Variants in LRP1B observed in about 807,000 individuals in gnomAD.
LRP1B encodes LDL receptor related protein 1B, also known as low-density lipoprotein receptor-related protein 1B.
Under a neutral mutation model 556.6 loss-of-function variants are expected in LRP1B, and 217 were observed. The ratio of observed to expected loss-of-function variants is 0.39; its 90% CI spans 0.35 to 0.44. The LOEUF (loss-of-function observed/expected upper bound fraction) is 0.44, where lower values mean the gene tolerates loss of function less well. LRP1B is among the 20% of genes least tolerant of loss of function. The pLI is 1.00. For synonymous variants in LRP1B, 2,047 were observed against 1,865.8 expected, an observed-to-expected ratio of 1.10 and a Z score of -2.50; for missense variants, 5,053 against 5,620.8, an observed-to-expected ratio of 0.90 and a Z score of 3.23.
chr2:141,591,771 TACTG>T (rs1687350280), intron 2 of LRP1B, among the ~76,000 whole-genome samples: 1 of 152,134 alleles, frequency 6.6e-6, no homozygotes, highest in African/African-American at 2.4e-5. Context: ...CTATAAAAAA[TACTG>T]ACTATGTAGT....
intron 1 of LRP1B, among the ~76,000 whole-genome samples, chr2:141,876,586 A>G (rs1284410834): frequency 3.3e-5 from 5 of 151,692 alleles, no homozygotes; most frequent in Non-Finnish European, 7.4e-5. Flanking sequence ...AGTTCTAGAC[A>G]CTCTTTACTT....
At chr2:140,714,303 T>C (rs1687136956) in intron 37 of LRP1B, among the ~76,000 whole-genome samples, 1 of 152,112 alleles carries the variant, frequency 6.6e-6, no homozygotes, top group African/African-American at 2.4e-5. Flanking sequence ...GTTAATTGAA[T>C]AAATTGATAA....
At chr2:140,606,599 T>C (rs573587407) in intron 41 of LRP1B, among the ~76,000 whole-genome samples, 19 of 152,192 alleles carry the variant, frequency 1.2e-4, no homozygotes, top group Admixed American at 3.3e-4. Context: ...TCACACTTCC[T>C]GATTTCAACC....
chr2:141,334,156 A>T (rs1266071416), intron 3 of LRP1B, among the ~76,000 whole-genome samples: 1 of 152,174 alleles, frequency 6.6e-6, no homozygotes, highest in Non-Finnish European at 1.5e-5. Flanking sequence ...TTACTGAATG[A>T]TATGGTTTGG....
At chr2:141,925,655 G>A (rs1700315642) in intron 1 of LRP1B, among the ~76,000 whole-genome samples, 1 of 152,146 alleles carries the variant, frequency 6.6e-6, no homozygotes, top group Non-Finnish European at 1.5e-5. Context: ...CTGGGGTCAG[G>A]AAGTTCTGAG....
At chr2:141,886,477 C>G (rs1430496891) in intron 1 of LRP1B, among the ~76,000 whole-genome samples, 1 of 152,096 alleles carries the variant, frequency 6.6e-6, no homozygotes, top group Non-Finnish European at 1.5e-5. Context: ...TATATTTCAT[C>G]TTCATAAATA....
intron 59 of LRP1B, among the ~76,000 whole-genome samples, chr2:140,478,579 C>T (rs142195852): frequency 9.9e-4 from 150 of 152,230 alleles, no homozygotes; most frequent in African/African-American, 3.5e-3. Flanking sequence ...GGAACAAGGA[C>T]TCAGGTTTCT....
At chr2:142,036,696 G>T (rs548451033) in intron 1 of LRP1B, among the ~76,000 whole-genome samples, 1 of 151,680 alleles carries the variant, frequency 6.6e-6, no homozygotes, top group South Asian at 2.1e-4. Flanking sequence ...TGGCATAGCT[G>T]CTTTCCTGAG....
At chr2:141,286,066 C>CAAAA (rs200182512) in intron 3 of LRP1B, among the ~76,000 whole-genome samples, 29 of 94,606 alleles carry the variant, frequency 3.1e-4, no homozygotes, top group African/African-American at 5.9e-4. Context: ...GACTCCGTCT[C>CAAAA]AAAAAAAAAA....
At chr2:141,771,264 C>CAA (rs111877837) in intron 2 of LRP1B, among the ~76,000 whole-genome samples, 2 of 151,506 alleles carry the variant, frequency 1.3e-5, no homozygotes, top group African/African-American at 2.4e-5. Flanking sequence ...CTTAATTAGC[C>CAA]AAAAAAAACT....
At chr2:141,276,235 C>T (rs896146484) in intron 3 of LRP1B, among the ~76,000 whole-genome samples, 3 of 152,112 alleles carry the variant, frequency 2.0e-5, no homozygotes, top group South Asian at 4.1e-4. Context: ...TCACTTCCTT[C>T]GCAGCACTTA....
At chr2:140,266,740 C>G (rs1682220352) in intron 86 of LRP1B, among the ~76,000 whole-genome samples, 1 of 151,980 alleles carries the variant, frequency 6.6e-6, no homozygotes, top group South Asian at 2.1e-4. Context: ...GTGAACATGT[C>G]TCTTCACGTA....
chr2:141,397,766 G>A lies in LRP1B; in HGVS notation c.343+82630C>T, dbSNP rs574646010. 9.9e-5 allele frequency among the ~76,000 whole-genome samples: 15 copies of A among 151,138 alleles called. No individual in the cohort carries two copies. The East Asian group carries it at 2.5e-3, about 25-fold the overall frequency. ...GTCCCAGACATTGTGCTGAAGGCTG[G>A]TGGTAAAAATTTATATGTATATATA... is the stretch of plus-strand genomic sequence containing the variant. On this transcript the variant is annotated intron_variant, in intron 3 of 90. Transcript: ENST00000389484.
At chr2:141,610,789 T>C (rs1243131039) in intron 2 of LRP1B, among the ~76,000 whole-genome samples, 1 of 152,188 alleles carries the variant, frequency 6.6e-6, no homozygotes, top group Non-Finnish European at 1.5e-5. Flanking sequence ...AATGCAAAGC[T>C]GATGATTAGG....
intron 2 of LRP1B, among the ~76,000 whole-genome samples, chr2:141,615,676 T>C (rs1688270936): frequency 6.6e-6 from 1 of 152,180 alleles, no homozygotes; most frequent in South Asian, 2.1e-4. Context: ...AAATTAAAAT[T>C]GAACTAGTTA....
At chr2:141,746,223 G>T (rs1402882512) in intron 2 of LRP1B, among the ~76,000 whole-genome samples, 2 of 152,084 alleles carry the variant, frequency 1.3e-5, no homozygotes, top group Non-Finnish European at 2.9e-5. Flanking sequence ...CATGTCTAGG[G>T]GTTGTAGTCT....
In LRP1B at chr2:140,988,812, A is replaced by G. The variant is rs1278907297; in HGVS notation, c.2770+720T>C. Among the ~76,000 whole-genome samples the G allele has an allele frequency of 2.0e-5, 3 of 152,122 alleles. No individual in the cohort carries two copies. The East Asian group carries it at 5.8e-4, about 29-fold the overall frequency. On this transcript the variant is annotated intron_variant, in intron 17 of 90. Transcript: ENST00000389484. ...ATAATGGTTTAAAAAATCAGTTTTT[A>G]TGAATCATATCAATATGAGTCATCA...
chr2:140,459,094 CTTAA>C (rs1687214936), intron 60 of LRP1B, among the ~76,000 whole-genome samples: 1 of 152,038 alleles, frequency 6.6e-6, no homozygotes, highest in African/African-American at 2.4e-5. Flanking sequence ...GTGCACACAA[CTTAA>C]TTATCGATGT....
chr2:141,024,520 A>G (rs1465684980), intron 11 of LRP1B, among the ~76,000 whole-genome samples: 1 of 152,024 alleles, frequency 6.6e-6, no homozygotes, highest in South Asian at 2.1e-4. Context: ...ACATTCAGTT[A>G]TTTTATCTTT....
Sources: gnomAD v4.1 joint callset for allele counts (sites outside exome capture counted in the v4.1 genomes callset) on GRCh38, gnomAD v4.1.1 for gene constraint, MANE v1.5 for transcripts, NCBI Gene and HGNC (gene_info 2026-07-23, HGNC 2026-07-21) for gene names.